FIGN: variants seen among roughly 807,000 people sequenced by gnomAD.
The protein encoded by FIGN is fidgetin.
Under a neutral mutation model 51.3 loss-of-function variants are expected in FIGN, and 11 were observed. That is an observed-to-expected ratio of 0.21 (90% CI 0.13 to 0.35). The LOEUF is 0.35. Ranked by LOEUF, FIGN falls within the 10% of genes least tolerant of loss-of-function variation. The pLI, the probability that FIGN is intolerant of heterozygous loss-of-function variation, is 1.00. For synonymous variants in FIGN, 407 were observed against 363.2 expected (o/e 1.12, Z -1.37); for missense variants, 857 against 943.6 (o/e 0.91, Z 1.20).
rs1257894633 is a variant in FIGN at position 163,609,713 on chromosome 2, C to T, written c.2119G>A (p.Ala707Thr). 1 of 1,614,020 alleles carries T rather than the reference C, an allele frequency of 6.2e-7. No homozygotes were observed. Among genetic ancestry groups the T allele is most frequent in the East Asian group, 2.2e-5 (1 of 44,836 alleles). The change falls in exon 3 of 3, where the codon GCC becomes ACC. Residue 707 changes from alanine (A) to threonine (T), a missense_variant. Ala to Thr is a moderately conservative substitution (Grantham distance 58). Around this residue, in one of 3 missense-constraint regions of FIGN, gnomAD observed 799 missense variants for 849.5 expected, o/e 0.94. Transcript: ENST00000333129. The part of the protein sequence containing the change: ...CQEAVVGPLH[A>T]MPATDLSAIM... ...GCTGAAAGGTCTGTGGCTGGCATGGCATGGAGGGGGCCCACCACTGCTTCC... is the reference window on the plus strand; with the variant it reads ...GCTGAAAGGTCTGTGGCTGGCATGGTATGGAGGGGGCCCACCACTGCTTCC...
intron 2 of FIGN, among the ~76,000 whole-genome samples, chr2:163,732,282 T>C (rs1425552056): frequency 6.6e-6 from 1 of 152,130 alleles, no homozygotes; most frequent in African/African-American, 2.4e-5. Flanking sequence ...TAATAAACAA[T>C]AGAGACGATG....
intron 2 of FIGN, among the ~76,000 whole-genome samples, chr2:163,708,524 T>A (rs1684536548): frequency 3.3e-5 from 5 of 152,160 alleles, no homozygotes. Flanking sequence ...AGCCAAATGG[T>A]AATAAAGTTA....
intron 2 of FIGN, among the ~76,000 whole-genome samples, chr2:163,723,758 T>C (rs1004853518): frequency 1.3e-5 from 2 of 152,208 alleles, no homozygotes; most frequent in African/African-American, 2.4e-5. Context: ...TGCCACTCTA[T>C]TGAAATCTCT....
chr2:163,605,441 A>G lies in FIGN; in HGVS notation c.*4111T>C, dbSNP rs1237983201. 4 of 152,062 alleles carry G rather than the reference A, an allele frequency of 2.6e-5. No individual in the cohort carries two copies. The highest frequency in any genetic ancestry group is 9.7e-5 in the African/African-American group (4 of 41,408). 9.4% of individuals were successfully genotyped at this position (152,062 alleles called of 1,614,324 possible). On this transcript the variant is annotated 3_prime_UTR_variant, in exon 3 of 3. Transcript: ENST00000333129. ...AGATGATTCAACAACTGAAGGCTTT[A>G]CGTTTCAAAAGAAAAAAAAACACAT...
intron 2 of FIGN, among the ~76,000 whole-genome samples, chr2:163,679,509 T>A (rs963236503): frequency 3.1e-5 from 4 of 130,198 alleles, no homozygotes; most frequent in East Asian, 5.1e-4. Context: ...AAAAAAAAAA[T>A]GTACACTATT....
chr2:163,642,818 T>C (rs760067629), intron 2 of FIGN, among the ~76,000 whole-genome samples: 2 of 152,148 alleles, frequency 1.3e-5, no homozygotes, highest in Non-Finnish European at 2.9e-5. Context: ...TGCTGAAGAA[T>C]AAATCTTAAA....
rs773584014 is a variant in FIGN, at chr2:163,609,956, C to G, written c.1876G>C (p.Val626Leu). Residue 626 changes from valine to leucine, a missense_variant, in exon 3 of 3, where the codon GTA becomes CTA. By Grantham distance (32) the Val-to-Leu change is conservative (BLOSUM62 1). Around this residue, in one of 3 missense-constraint regions of FIGN, gnomAD observed 799 missense variants for 849.5 expected, o/e 0.94. Coordinates refer to ENST00000333129, the MANE Select transcript of FIGN (RefSeq NM_018086.4). ...TCTGGTTTACTGGTGGCACAAATTA[C>G]TACGATTTGGTCCTCAGCCGAAGTT... ...VLTSAEDQIV[V>L]ICATSKPEEI... 1 of 1,613,974 alleles carries G rather than the reference C, an allele frequency of 6.2e-7. No homozygotes were observed. Among genetic ancestry groups the G allele is most frequent in the Admixed American group, 1.7e-5 (1 of 60,030 alleles).
intron 2 of FIGN, among the ~76,000 whole-genome samples, chr2:163,734,480 T>C (rs1684983125): frequency 6.9e-6 from 1 of 145,470 alleles, no homozygotes; most frequent in Admixed American, 7.2e-5. Context: ...TGTGTACATA[T>C]ATATAGATAC....
chr2:163,660,606 A>T (rs1349813879), intron 2 of FIGN, among the ~76,000 whole-genome samples: 3 of 148,924 alleles, frequency 2.0e-5, no homozygotes, highest in Non-Finnish European at 4.4e-5. Context: ...GACTATTCAG[A>T]CTTGACTGAG....
intron 2 of FIGN, among the ~76,000 whole-genome samples, chr2:163,675,673 C>T (rs1269288502): frequency 6.6e-6 from 1 of 150,384 alleles, no homozygotes; most frequent in African/African-American, 2.4e-5. Flanking sequence ...TTGCCAAGTC[C>T]CTTTACTTGA....
At chr2:163,637,047 C>A (rs1010594356) in intron 2 of FIGN, among the ~76,000 whole-genome samples, 2 of 152,242 alleles carry the variant, frequency 1.3e-5, no homozygotes, top group East Asian at 3.9e-4. Flanking sequence ...CCACTACACT[C>A]CAGCCTGGGC....
chr2:163,731,908 A>G (rs1684936416), intron 2 of FIGN, among the ~76,000 whole-genome samples: 2 of 152,136 alleles, frequency 1.3e-5, no homozygotes, highest in African/African-American at 4.8e-5. Context: ...ATTAGCAAGT[A>G]TTACACTTCT....
At chr2:163,632,055 G>T (rs985809649) in intron 2 of FIGN, among the ~76,000 whole-genome samples, 3 of 152,158 alleles carry the variant, frequency 2.0e-5, no homozygotes, top group Non-Finnish European at 2.9e-5. Flanking sequence ...GGCTAAGGCA[G>T]GAGAATCACT....
rs186943129 is a variant in FIGN at position 163,614,353 on chromosome 2, C to A, written c.26-2547G>T. Among the ~76,000 whole-genome samples the A allele has an allele frequency of 8.1e-4, 124 of 152,198 alleles. 2 individuals carry two copies. In the South Asian group the frequency reaches 0.019, roughly 24 times the overall value. Reference sequence around the variant, plus strand: ...TAAGAGCAAATCACCAGGAACCAATCGCAAGTAATCAGTATCTAAATGCTT... The same window carrying A: ...TAAGAGCAAATCACCAGGAACCAATAGCAAGTAATCAGTATCTAAATGCTT... On this transcript the variant is annotated intron_variant, in intron 2 of 2. Coordinates refer to ENST00000333129, the MANE Select transcript of FIGN (RefSeq NM_018086.4).
At chr2:163,649,581 G>A in intron 2 of FIGN, among the ~76,000 whole-genome samples, 1 of 152,118 alleles carries the variant, frequency 6.6e-6, no homozygotes, top group Non-Finnish European at 1.5e-5. Context: ...GGACCACACT[G>A]GACATTCCAA....
At chr2:163,728,689 G>T (rs1354662361) in intron 2 of FIGN, among the ~76,000 whole-genome samples, 1 of 152,114 alleles carries the variant, frequency 6.6e-6, no homozygotes, top group Non-Finnish European at 1.5e-5. Flanking sequence ...CTTCTACAAA[G>T]GTGGCCCCAG....
Position 163,611,919 on chromosome 2 carries a change from C to G in FIGN, c.26-113G>C, listed in dbSNP as rs371250164. 329 of 486,104 alleles carry G rather than the reference C, an allele frequency of 6.8e-4. 1 individual carries two copies. The South Asian group carries it at 0.028, about 42-fold the overall frequency. 30.1% of individuals were successfully genotyped at this position (486,104 alleles called of 1,614,324 possible). On this transcript the variant is annotated intron_variant, in intron 2 of 2. Transcript: ENST00000333129. ...TTATTTTCCATTAATGATATGCATACTTTAAAAGATCTACACTGTTTATAA... is the reference window on the plus strand; with the variant it reads ...TTATTTTCCATTAATGATATGCATAGTTTAAAAGATCTACACTGTTTATAA...
chr2:163,724,857 C>A (rs563704370), intron 2 of FIGN, among the ~76,000 whole-genome samples: 1 of 151,908 alleles, frequency 6.6e-6, no homozygotes, highest in African/African-American at 2.4e-5. Context: ...CGAAAAGATA[C>A]GGAGAATATA....
At chr2:163,724,789 G>A (rs1684814827) in intron 2 of FIGN, among the ~76,000 whole-genome samples, 1 of 152,032 alleles carries the variant, frequency 6.6e-6, no homozygotes, top group Non-Finnish European at 1.5e-5. Context: ...CTGAGAATAA[G>A]TTGAACCATC....
Sources: allele counts gnomAD v4.1 joint callset (sites outside exome capture counted in the v4.1 genomes callset), GRCh38; gene constraint gnomAD v4.1.1; regional missense constraint gnomAD v4.1.1; transcripts MANE v1.5; gene names NCBI Gene and HGNC (gene_info 2026-07-23, HGNC 2026-07-21).